Variants in ANXA2 observed in about 807,000 individuals in gnomAD.
The protein encoded by ANXA2 is annexin II.
Under a neutral mutation model 47.3 loss-of-function variants are expected in ANXA2, and 28 were observed. The ratio of observed to expected loss-of-function variants is 0.59; its 90% CI spans 0.44 to 0.81. The LOEUF is 0.81. Among genes scored for constraint, ANXA2 ranks in the 40% least tolerant of loss-of-function variants. The probability of loss-of-function intolerance (pLI) is 0.00; values close to 1 mark genes in which losing one functional copy is unlikely to be tolerated. For synonymous variants in ANXA2, 172 were observed against 155.5 expected, an observed-to-expected ratio of 1.11 and a Z score of -0.79; for missense variants, 384 against 414.3, an observed-to-expected ratio of 0.93 and a Z score of 0.64.
chr15:60,397,888 CCA>C, intron 1 of ANXA2, 53 bp downstream of exon 1: 2 of 1,373,982 alleles, frequency 1.5e-6, no homozygotes, highest in African/African-American at 3.0e-5. Context: ...CCCAGCGTCT[CCA>C]CACCCCGCTA....
At chr15:60,359,053 C>T (rs1036221837) in intron 5 of ANXA2, among the ~76,000 whole-genome samples, 3 of 152,170 alleles carry the variant, frequency 2.0e-5, no homozygotes, top group Non-Finnish European at 2.9e-5. Flanking sequence ...CAGATACTGC[C>T]ACCGGTACTG....
chr15:60,359,965 A>C (rs951767047), intron 5 of ANXA2, among the ~76,000 whole-genome samples: 2 of 152,174 alleles, frequency 1.3e-5, no homozygotes, highest in Non-Finnish European at 2.9e-5. Context: ...TTTATATAAA[A>C]CTTGATGTTG....
chr15:60,393,196 C>T, intron 1 of ANXA2: 2 of 1,195,368 alleles, frequency 1.7e-6, no homozygotes, highest in Non-Finnish European at 2.1e-6. Flanking sequence ...CTTGTCTCTT[C>T]TGTGGCCTGA....
rs767606956 is a variant in ANXA2, at chr15:60,352,464, C to A, written c.601G>T (p.Ala201Ser). ...TCAGTTCCTTTCCTCTTCACTCCAG[C>A]GTCATAGAGATCCTACGAGTACAAC... ...IDQDARDLYD[A>S]GVKRKGTDVP... is the part of the protein sequence containing the mutation. The change falls in exon 9 of 13, where the codon GCT becomes TCT. Residue 201 changes from alanine (A) to serine (S), a missense_variant. By Grantham distance (99) the Ala-to-Ser change is moderately conservative. Transcript: ENST00000451270. The surrounding 1 kb of genome is among the most constrained non-coding windows in gnomAD (Gnocchi z 4.2). The A allele has an allele frequency of 2.5e-6, 4 of 1,613,046 alleles. No homozygotes were observed. Among genetic ancestry groups the A allele is most frequent in the East Asian group, 4.5e-5 (2 of 44,870 alleles).
At chr15:60,351,445 G>A (rs1896009023) in intron 10 of ANXA2, 194 bp from the exon 11 acceptor site, 2 of 640,874 alleles carry the variant, frequency 3.1e-6, no homozygotes, top group South Asian at 3.9e-5. Flanking sequence ...TTTAAACCAG[G>A]GGTCTCTGAG....
chr15:60,356,323 A>C (rs1268008635), intron 6 of ANXA2, among the ~76,000 whole-genome samples: 1 of 152,108 alleles, frequency 6.6e-6, no homozygotes, highest in Admixed American at 6.5e-5. Flanking sequence ...TGTTCTGAAC[A>C]TCAAAAAAAT....
At chr15:60,371,904 C>T (rs1323880088) in intron 3 of ANXA2, among the ~76,000 whole-genome samples, 1 of 152,190 alleles carries the variant, frequency 6.6e-6, no homozygotes. Flanking sequence ...ATAATCCCAG[C>T]ACTTTGGGAG....
chr15:60,365,610 T>C (rs936237649), intron 3 of ANXA2, among the ~76,000 whole-genome samples: 8 of 152,124 alleles, frequency 5.3e-5, no homozygotes, highest in African/African-American at 1.9e-4. Flanking sequence ...AAACAGCAGA[T>C]TGACAGAGGA....
At chr15:60,388,027 A>C (rs868150109) in intron 1 of ANXA2, among the ~76,000 whole-genome samples, 7 of 152,158 alleles carry the variant, frequency 4.6e-5, no homozygotes, top group Middle Eastern at 3.4e-3. Flanking sequence ...ATCTCTACTA[A>C]AAATACAAAA....
chr15:60,356,472 ATT>A (rs1369554595), intron 6 of ANXA2, among the ~76,000 whole-genome samples: 3 of 152,180 alleles, frequency 2.0e-5, no homozygotes, highest in African/African-American at 7.2e-5. Context: ...TAGCATCTAT[ATT>A]GAAATACAGT....
intron 1 of ANXA2, chr15:60,393,416 T>C: frequency 6.9e-6 from 7 of 1,009,354 alleles, no homozygotes; most frequent in Non-Finnish European, 8.3e-6. Context: ...GCCCACATAT[T>C]GTATTTTCAA....
At chr15:60,378,771 G>A (rs1218806052) in intron 3 of ANXA2, among the ~76,000 whole-genome samples, 1 of 152,028 alleles carries the variant, frequency 6.6e-6, no homozygotes, top group East Asian at 1.9e-4. Flanking sequence ...TTCGAGAGCA[G>A]CCTGGCCAAG....
chr15:60,365,880 G>A (rs1473200838), intron 3 of ANXA2, among the ~76,000 whole-genome samples: 4 of 41,702 alleles, frequency 9.6e-5, no homozygotes, highest in Admixed American at 3.3e-4. Flanking sequence ...CTCCCTCCAC[G>A]GTCTCCCTCT....
chr15:60,365,445 T>A (rs1220994182), intron 3 of ANXA2, among the ~76,000 whole-genome samples: 1 of 152,218 alleles, frequency 6.6e-6, no homozygotes, highest in African/African-American at 2.4e-5. Context: ...AAAGAAACAG[T>A]CTTTGCCATA....
chr15:60,350,198 AAAGAC>A (rs376324893), intron 11 of ANXA2, among the ~76,000 whole-genome samples: 81 of 151,426 alleles, frequency 5.3e-4, no homozygotes, highest in African/African-American at 1.9e-3. Flanking sequence ...AAAGAAAAAA[AAAGAC>A]AAGACAAGAA....
At chr15:60,351,478 C>A in intron 10 of ANXA2, 1 of 616,780 alleles carries the variant, frequency 1.6e-6, no homozygotes, top group Non-Finnish European at 2.9e-6. Flanking sequence ...CAAGTGCATA[C>A]GTGAGTTTCC....
In ANXA2 at chr15:60,351,708, G is replaced by C; in HGVS notation, c.778+16C>G. On this transcript the variant is annotated intron_variant, in intron 10 of 12. Transcript: ENST00000451270. ...GTAGCTGATGTCTACCAGGAATGGG[G>C]GCCACATTCACTTACCCAGGTTCAG... 2.6e-6 allele frequency: 4 copies of C among 1,545,390 alleles called. No individual in the cohort carries two copies. The highest frequency in any genetic ancestry group is 3.6e-6 in the Non-Finnish European group (4 of 1,117,816).
At chr15:60,368,608 TCA>T (rs1358794127) in intron 3 of ANXA2, among the ~76,000 whole-genome samples, 1 of 152,028 alleles carries the variant, frequency 6.6e-6, no homozygotes, top group African/African-American at 2.4e-5. Flanking sequence ...CTGTATACTC[TCA>T]TTTTTGTAAA....
At chr15:60,364,317 G>A (rs747538103) in intron 4 of ANXA2, 112 bp downstream of exon 4, 6 of 799,578 alleles carry the variant, frequency 7.5e-6, no homozygotes, top group African/African-American at 1.8e-5. Flanking sequence ...GATATCCAAG[G>A]GTCCCACAAG....
Sources: allele counts gnomAD v4.1 joint callset (sites outside exome capture counted in the v4.1 genomes callset), GRCh38; gene constraint gnomAD v4.1.1; non-coding constraint Gnocchi (gnomAD v3.1); transcripts MANE v1.5; gene names NCBI Gene and HGNC (gene_info 2026-07-23, HGNC 2026-07-21).